Variants in GPC5 observed in about 807,000 individuals in gnomAD.
The protein encoded by GPC5 is glypican 5, also known as glypican-5.
In GPC5, 47 loss-of-function variants were observed where a neutral mutation model predicts 53.9. The observed-to-expected ratio is 0.87, with a 90% CI of 0.69 to 1.11. The LOEUF (loss-of-function observed/expected upper bound fraction) is 1.11, where lower values mean the gene tolerates loss of function less well. Ranked by LOEUF, GPC5 falls within the 50% of genes most tolerant of loss-of-function variation. The pLI is 0.00. For missense variants in GPC5, 748 were observed against 713.1 expected, an observed-to-expected ratio of 1.05 and a Z score of -0.56; for synonymous variants, 286 against 263.3, an observed-to-expected ratio of 1.09 and a Z score of -0.84.
chr13:91,947,705 T>G (rs550813294), intron 6 of GPC5, among the ~76,000 whole-genome samples: 2 of 152,316 alleles, frequency 1.3e-5, no homozygotes, highest in African/African-American at 4.8e-5. Context: ...AAAGTTAAAA[T>G]TATTTAGTAG....
chr13:91,625,062 A>G (rs1380095074), intron 2 of GPC5, among the ~76,000 whole-genome samples: 1 of 151,914 alleles, frequency 6.6e-6, no homozygotes, highest in Non-Finnish European at 1.5e-5. Flanking sequence ...AAGTAAAACT[A>G]TTTTTCTTTG....
At chr13:92,777,848 G>C (rs954845277) in intron 7 of GPC5, among the ~76,000 whole-genome samples, 1 of 152,120 alleles carries the variant, frequency 6.6e-6, no homozygotes, top group Admixed American at 6.5e-5. Context: ...ATGCCTTCAG[G>C]ACAGGGATTA....
chr13:92,047,442 A>ATTT (rs147815852), intron 6 of GPC5, among the ~76,000 whole-genome samples: 75 of 99,820 alleles, frequency 7.5e-4, no homozygotes, highest in Admixed American at 2.4e-3. Context: ...ATATATATAT[A>ATTT]TTTTTTTTTC....
intron 2 of GPC5, among the ~76,000 whole-genome samples, chr13:91,490,854 A>C (rs953087568): frequency 6.6e-6 from 1 of 152,092 alleles, no homozygotes; most frequent in Non-Finnish European, 1.5e-5. Context: ...GTTTATAGTC[A>C]CCATCTCTCT....
chr13:92,695,817 C>T (rs1177007967), intron 7 of GPC5, among the ~76,000 whole-genome samples: 3 of 151,800 alleles, frequency 2.0e-5, no homozygotes, highest in South Asian at 2.1e-4. Flanking sequence ...CCATCATCTA[C>T]ATTAGGTATT....
intron 7 of GPC5, among the ~76,000 whole-genome samples, chr13:92,236,230 G>A (rs116379136): frequency 6.7e-4 from 102 of 151,952 alleles, no homozygotes; most frequent in African/African-American, 2.1e-3. Context: ...TATAATTTGG[G>A]TAATATTACT....
rs113001558 is a variant in GPC5, at chr13:92,569,927, G to A, written c.1562-296355G>A. On this transcript the variant is annotated intron_variant, in intron 7 of 7. Coordinates refer to ENST00000377067, the MANE Select transcript of GPC5 (RefSeq NM_004466.6). ...CTTTCTTTCCTATAATCTCTTTATG[G>A]TCAAATGCAGAATATTTCAGTCTGC... 1.4e-3 allele frequency among the ~76,000 whole-genome samples: 210 copies of A among 152,084 alleles called. 1 individual carries two copies. Among genetic ancestry groups the A allele is most frequent in the African/African-American group, 4.9e-3 (204 of 41,500 alleles).
intron 7 of GPC5, among the ~76,000 whole-genome samples, chr13:92,561,894 C>T (rs1235612034): frequency 2.6e-5 from 4 of 152,078 alleles, no homozygotes; most frequent in South Asian, 2.1e-4. Context: ...AAGAATGCAC[C>T]GGTGAATAAC....
intron 6 of GPC5, among the ~76,000 whole-genome samples, chr13:91,943,545 T>C (rs1191889284): frequency 6.6e-6 from 1 of 152,216 alleles, no homozygotes; most frequent in Non-Finnish European, 1.5e-5. Context: ...ATAACTGCTG[T>C]TCTTTTAATG....
intron 1 of GPC5, among the ~76,000 whole-genome samples, chr13:91,434,132 T>C (rs2139036365): frequency 6.6e-6 from 1 of 152,338 alleles, no homozygotes; most frequent in South Asian, 2.1e-4. Flanking sequence ...TTGCAAAAAT[T>C]TTCTCCCATT....
At chr13:92,754,044 G>C (rs565033703) in intron 7 of GPC5, among the ~76,000 whole-genome samples, 1 of 152,120 alleles carries the variant, frequency 6.6e-6, no homozygotes, top group Non-Finnish European at 1.5e-5. Flanking sequence ...CACCAAAGTT[G>C]AAATGAAGGA....
chr13:92,864,115 A>G (rs1294627497), intron 7 of GPC5, among the ~76,000 whole-genome samples: 1 of 152,196 alleles, frequency 6.6e-6, no homozygotes, highest in African/African-American at 2.4e-5. Context: ...TCATGGAGCT[A>G]GAATTTTTGG....
In GPC5 at chr13:91,952,464, T is replaced by C. The variant is rs142063010; in HGVS notation, c.1401+44407T>C. On this transcript the variant is annotated intron_variant, in intron 6 of 7. Transcript: ENST00000377067. ...ATCAAATCAAAAGTTCTTCAGAACA[T>C]GGCCCTGCTCTCACAAATCCATATT... is the stretch of plus-strand genomic sequence containing the variant. Among the ~76,000 whole-genome samples, 132 of 152,280 alleles carry C rather than the reference T, an allele frequency of 8.7e-4. 1 individual carries two copies. In the East Asian group the frequency reaches 0.019, roughly 22 times the overall value.
intron 5 of GPC5, among the ~76,000 whole-genome samples, chr13:91,844,149 A>G (rs1458373439): frequency 6.6e-6 from 1 of 152,202 alleles, no homozygotes; most frequent in African/African-American, 2.4e-5. Context: ...AATGAAAGGG[A>G]TGTATGGAAA....
At chr13:91,747,339 T>C (rs1283233949) in intron 4 of GPC5, among the ~76,000 whole-genome samples, 4 of 152,150 alleles carry the variant, frequency 2.6e-5, no homozygotes, top group African/African-American at 9.7e-5. Context: ...TCTGGCACTG[T>C]TGGCCTCAAG....
At chr13:91,740,829 T>A (rs1001442133) in intron 4 of GPC5, among the ~76,000 whole-genome samples, 2 of 152,166 alleles carry the variant, frequency 1.3e-5, no homozygotes, top group African/African-American at 4.8e-5. Flanking sequence ...TCTGCTTGAT[T>A]TCTTGAAGTT....
At chr13:92,704,798 T>C (rs1035763732) in intron 7 of GPC5, among the ~76,000 whole-genome samples, 1 of 149,636 alleles carries the variant, frequency 6.7e-6, no homozygotes, top group Non-Finnish European at 1.5e-5. Context: ...TATATACATA[T>C]ACACACACAC....
chr13:92,445,436 G>C (rs1292907045), intron 7 of GPC5, among the ~76,000 whole-genome samples: 1 of 150,050 alleles, frequency 6.7e-6, no homozygotes, highest in Non-Finnish European at 1.5e-5. Flanking sequence ...TTTAGCATTA[G>C]GTATATCTCC....
At chr13:91,767,580 C>G (rs1050563921) in intron 5 of GPC5, among the ~76,000 whole-genome samples, 2 of 152,148 alleles carry the variant, frequency 1.3e-5, no homozygotes, top group African/African-American at 4.8e-5. Flanking sequence ...CTAGTCATCT[C>G]CCTTTATCCA....
Sources: allele counts gnomAD v4.1 joint callset (sites outside exome capture counted in the v4.1 genomes callset), GRCh38; gene constraint gnomAD v4.1.1; transcripts MANE v1.5; gene names NCBI Gene and HGNC (gene_info 2026-07-23, HGNC 2026-07-21).